Variants in TRIT1 observed in about 807,000 individuals in gnomAD.
The protein encoded by TRIT1 is tRNA isopentenyltransferase 1, also known as tRNA dimethylallyltransferase.
Under a neutral mutation model 51.2 loss-of-function variants are expected in TRIT1, and 43 were observed. That is an observed-to-expected ratio of 0.84 (90% CI 0.66 to 1.08). TRIT1 has a LOEUF of 1.08. TRIT1 is among the 50% of genes least tolerant of loss of function. The pLI is 0.00. For synonymous variants in TRIT1, 184 were observed against 203.9 expected, an observed-to-expected ratio of 0.90 and a Z score of 0.83; for missense variants, 528 against 578.4, an observed-to-expected ratio of 0.91 and a Z score of 0.89.
chr1:39,870,483 G>A (rs1462790758), intron 1 of TRIT1, among the ~76,000 whole-genome samples: 6 of 131,782 alleles, frequency 4.6e-5, no homozygotes, highest in South Asian at 2.4e-4. Flanking sequence ...CCCCCTCTGC[G>A]AGCAACACCC....
chr1:39,856,977 ATAAATCAC>A (rs1642938341), intron 2 of TRIT1, among the ~76,000 whole-genome samples: 1 of 152,242 alleles, frequency 6.6e-6, no homozygotes, highest in Admixed American at 6.5e-5. Context: ...TAATGTGTAT[ATAAATCAC>A]TGGGGACTCC....
chr1:39,853,658 C>A (rs1012479706), intron 3 of TRIT1, among the ~76,000 whole-genome samples: 1 of 152,176 alleles, frequency 6.6e-6, no homozygotes, highest in Non-Finnish European at 1.5e-5. Context: ...GTGAGCCACC[C>A]ACCTTGGCCT....
chr1:39,838,779 G>T lies in TRIT1; in HGVS notation c.*2965C>A, dbSNP rs1023677183. Among the ~76,000 whole-genome samples the T allele has an allele frequency of 6.6e-6, 1 of 152,156 alleles. No homozygotes were observed. The highest frequency in any genetic ancestry group is 6.5e-5 in the Admixed American group (1 of 15,272). On this transcript the variant is annotated 3_prime_UTR_variant, in exon 11 of 11. Coordinates refer to ENST00000316891, the MANE Select transcript of TRIT1 (RefSeq NM_017646.6). ...GTTACCCAAAGCGTTGGGATTACAG[G>T]CGTGAGCCACCACTCCCGGACTGTT...
rs1208861811 is a variant in TRIT1 at position 39,854,027 on chromosome 1, CACA to C, written c.354_356del (p.Val119del). ...ATTCAATGTAATAATTGGTTCCTCC[CACA>C]ACAATAGGAATTTTGTCTCGGGCAA... is the stretch of plus-strand genomic sequence containing the variant. On this transcript the variant is annotated inframe_deletion, in exon 3 of 11. Coordinates refer to ENST00000316891, the MANE Select transcript of TRIT1 (RefSeq NM_017646.6). 1.2e-6 allele frequency: 2 copies of C among 1,612,692 alleles called. No homozygotes were observed. The highest frequency in any genetic ancestry group is 1.3e-5 in the African/African-American group (1 of 74,796).
chr1:39,880,824 T>TAGAA (rs59140147), intron 1 of TRIT1, among the ~76,000 whole-genome samples: 40,863 of 149,456 alleles, frequency 0.27, 5,878 homozygotes, highest in African/African-American at 0.38. Context: ...AGAAAAAAGA[T>TAGAA]AGAAACATTT....
chr1:39,876,876 C>T lies in TRIT1; in HGVS notation c.174+6442G>A, dbSNP rs1038360453. 4.8e-5 allele frequency among the ~76,000 whole-genome samples: 7 copies of T among 145,958 alleles called. No individual in the cohort carries two copies. The South Asian group carries it at 1.1e-3, about 23-fold the overall frequency. ...TTGGGAGGCTTAGGTTGCAGTGGGC[C>T]GAGATGGAGTCACTGCACTCCAGCC... On this transcript the variant is annotated intron_variant, in intron 1 of 10. Transcript: ENST00000316891.
chr1:39,883,461 G>C lies in TRIT1; in HGVS notation c.31C>G (p.Pro11Ala). 1 of 1,599,892 alleles carries C rather than the reference G, an allele frequency of 6.3e-7. No homozygotes were observed. The highest frequency in any genetic ancestry group is 1.3e-5 in the African/African-American group (1 of 74,728). MASVAAARAVPVGSGLRGLQR... is the reference protein window; with the variant it reads MASVAAARAVAVGSGLRGLQR... ...AGGCCCCTGAGCCCACTGCCCACGG[G>C]AACTGCTCGTGCAGCCGCCACGGAC... Residue 11 changes from proline (P) to alanine (A), a missense_variant, in exon 1 of 11, where the codon CCC (proline) becomes GCC (alanine). Pro to Ala is a conservative substitution (Grantham distance 27). Transcript: ENST00000316891.
chr1:39,844,269 T>C (rs575760586), intron 9 of TRIT1, 51 bp from the exon 10 acceptor site: 2 of 1,423,010 alleles, frequency 1.4e-6, no homozygotes. Context: ...GATCTGGATA[T>C]AATTCTCTAT....
intron 1 of TRIT1, among the ~76,000 whole-genome samples, chr1:39,858,383 G>A (rs376803490): frequency 5.3e-5 from 8 of 152,164 alleles, no homozygotes; most frequent in African/African-American, 1.7e-4. Context: ...CTAGTTATTC[G>A]TAGTTGAAGA....
chr1:39,853,803 G>A (rs2124611208), intron 3 of TRIT1, 167 bp downstream of exon 3: 1 of 585,016 alleles, frequency 1.7e-6, no homozygotes, highest in Non-Finnish European at 3.0e-6. Flanking sequence ...CAGCCTGGAG[G>A]AACACACTTC....
At chr1:39,862,764 T>C in intron 1 of TRIT1, 1 of 985,162 alleles carries the variant, frequency 1.0e-6, no homozygotes, top group Non-Finnish European at 1.2e-6. Flanking sequence ...ATGTGAGATT[T>C]GTAGCTGAAT....
intron 1 of TRIT1, among the ~76,000 whole-genome samples, chr1:39,880,160 C>T (rs1000204220): frequency 5.3e-5 from 6 of 113,252 alleles, no homozygotes; most frequent in Non-Finnish European, 8.9e-5. Flanking sequence ...AGTGACAGAG[C>T]AATACTCCGT....
chr1:39,848,621 C>T (rs951033903), intron 5 of TRIT1, among the ~76,000 whole-genome samples: 3 of 150,756 alleles, frequency 2.0e-5, no homozygotes, highest in Non-Finnish European at 2.9e-5. Context: ...GTCAAGAGTT[C>T]GAGACCAGCC....
chr1:39,876,607 C>T (rs907147368), intron 1 of TRIT1, among the ~76,000 whole-genome samples: 2 of 151,382 alleles, frequency 1.3e-5, no homozygotes, highest in Non-Finnish European at 2.9e-5. Context: ...TCCTTTTTAG[C>T]CTCTTGTAAG....
chr1:39,865,278 C>T (rs1311950619), intron 1 of TRIT1, among the ~76,000 whole-genome samples: 1 of 152,234 alleles, frequency 6.6e-6, no homozygotes, highest in Non-Finnish European at 1.5e-5. Context: ...ATCTACTTTA[C>T]TGAGGCCAGC....
chr1:39,852,823 C>T lies in TRIT1; in HGVS notation c.468G>A (p.Lys156=). 1.2e-6 allele frequency: 2 copies of T among 1,614,202 alleles called. No homozygotes were observed. Among genetic ancestry groups the T allele is most frequent in the African/African-American group, 1.3e-5 (1 of 75,046 alleles). ...KVIDRKVELE[K]EDGLVLHKRL... Reference sequence around the variant, plus strand: ...GTTTGTGAAGTACAAGACCATCCTCCTTTTCAAGCTCCACTTTTCGGTCAA... The same window carrying T: ...GTTTGTGAAGTACAAGACCATCCTCTTTTTCAAGCTCCACTTTTCGGTCAA... The change falls in exon 4 of 11, where the codon AAG becomes AAA. Residue 156 remains lysine (K), a synonymous_variant. Coordinates refer to ENST00000316891, the MANE Select transcript of TRIT1 (RefSeq NM_017646.6).
chr1:39,872,313 A>C (rs1489342194), intron 1 of TRIT1, among the ~76,000 whole-genome samples: 1 of 151,902 alleles, frequency 6.6e-6, no homozygotes, highest in African/African-American at 2.4e-5. Context: ...GTCTGATATA[A>C]CCTCAGAGAG....
At chr1:39,859,282 A>C (rs900786470) in intron 1 of TRIT1, among the ~76,000 whole-genome samples, 3 of 144,108 alleles carry the variant, frequency 2.1e-5, no homozygotes, top group Non-Finnish European at 3.0e-5. Context: ...AAAAAAAAAA[A>C]AAAAAAAAAA....
At chr1:39,867,816 T>A (rs1643637388) in intron 1 of TRIT1, among the ~76,000 whole-genome samples, 1 of 152,214 alleles carries the variant, frequency 6.6e-6, no homozygotes. Flanking sequence ...CTGCTGCCAC[T>A]CACTAGAATT....
Sources: allele counts gnomAD v4.1 joint callset (sites outside exome capture counted in the v4.1 genomes callset), GRCh38; gene constraint gnomAD v4.1.1; transcripts MANE v1.5; gene names NCBI Gene and HGNC (gene_info 2026-07-23, HGNC 2026-07-21).